The following TET1 variants were observed in gnomAD, a reference collection of about 807,000 sequenced individuals.
TET1 encodes methylcytosine dioxygenase TET1.
Under a neutral mutation model 148.7 loss-of-function variants are expected in TET1, and 13 were observed. The observed-to-expected ratio is 0.09, with a 90% CI of 0.06 to 0.14. TET1 has a LOEUF of 0.14. Among genes scored for constraint, TET1 ranks in the 10% least tolerant of loss-of-function variants. TET1 has a pLI of 1.00. For missense variants in TET1, 2,182 were observed against 2,553.8 expected (o/e 0.85, Z 3.14); for synonymous variants, 907 against 937.2 (o/e 0.97, Z 0.59).
intron 2 of TET1, among the ~76,000 whole-genome samples, chr10:68,600,174 A>G (rs1438130308): frequency 6.6e-6 from 1 of 152,122 alleles, no homozygotes; most frequent in Non-Finnish European, 1.5e-5. Context: ...GTAAAAATGC[A>G]CAATACCTTC....
chr10:68,673,960 C>CTTTTTTTTT (rs869073350), intron 8 of TET1, among the ~76,000 whole-genome samples: 3 of 72,392 alleles, frequency 4.1e-5, no homozygotes, highest in Admixed American at 1.5e-4. Context: ...TTTTCTTTTT[C>CTTTTTTTTT]TTTTTTTTTT....
chr10:68,573,985 T>C lies in TET1; in HGVS notation c.1647T>C (p.Ser549=). Residue 549 remains serine (S), a synonymous_variant, in exon 2 of 12, where the codon AGT becomes AGC. Transcript: ENST00000373644. Reference sequence around the variant, plus strand: ...CAGACAGAGGGAGCTCCCAGGTCAGTGTAACCAGCACAGTTCATGTTGTCA... The same window carrying C: ...CAGACAGAGGGAGCTCCCAGGTCAGCGTAACCAGCACAGTTCATGTTGTCA... ...SKSDRGSSQV[S]VTSTVHVVNT... is the part of the protein sequence containing the mutation. The C allele has an allele frequency of 6.2e-7, 1 of 1,614,178 alleles. No individual in the cohort carries two copies. Among genetic ancestry groups the C allele is most frequent in the African/African-American group, 1.3e-5 (1 of 75,036 alleles).
rs371499355 is a variant in TET1, at chr10:68,686,525, G to T, written c.5222G>T (p.Arg1741Leu). The T allele has an allele frequency of 4.8e-5, 77 of 1,613,926 alleles. No homozygotes were observed. Among genetic ancestry groups the T allele is most frequent in the Non-Finnish European group, 6.2e-5 (73 of 1,180,012 alleles). ...GCCATCGAGGTCCTGGCACCCCGCC[G>T]CAAAAAAAGAACGTGTTTCACTCAG... is the stretch of plus-strand genomic sequence containing the variant. Reference protein sequence around the residue: ...SGAIEVLAPRRKKRTCFTQPV... With the variant: ...SGAIEVLAPRLKKRTCFTQPV... The change falls in exon 11 of 12, where the codon CGC (arginine) becomes CTC (leucine). Residue 1741 changes from arginine (R) to leucine (L), a missense_variant. Coordinates refer to ENST00000373644, the MANE Select transcript of TET1 (RefSeq NM_030625.3).
At position 68,646,570 on chromosome 10, in the gene TET1, G is replaced by A. The variant is rs766370975; in HGVS notation, c.3841G>A (p.Ala1281Thr). ...ESNGKAFTDKAYNSQVQLTVN... is the reference protein window; with the variant it reads ...ESNGKAFTDKTYNSQVQLTVN... Reference sequence around the variant, plus strand: ...CAACGGGAAGGCATTCACTGATAAAGCTTATAATTCTCAGGTACAGTTAAC... The same window carrying A: ...CAACGGGAAGGCATTCACTGATAAAACTTATAATTCTCAGGTACAGTTAAC... Residue 1281 changes from alanine (A) to threonine (T), a missense_variant, in exon 4 of 12, where the codon GCT (alanine) becomes ACT (threonine). Ala to Thr is a moderately conservative substitution (Grantham distance 58, BLOSUM62 0). Around this residue, in one of 11 missense-constraint regions of TET1, gnomAD observed 582 missense variants for 599.5 expected, o/e 0.97. Transcript: ENST00000373644. 9.3e-6 allele frequency: 15 copies of A among 1,614,028 alleles called. No individual in the cohort carries two copies. The highest frequency in any genetic ancestry group is 2.2e-5 in the South Asian group (2 of 91,084).
At chr10:68,564,342 A>G (rs562448285) in intron 1 of TET1, among the ~76,000 whole-genome samples, 1 of 150,016 alleles carries the variant, frequency 6.7e-6, no homozygotes, top group African/African-American at 2.4e-5. Context: ...AGAGATGGGG[A>G]TTCACCATGT....
intron 1 of TET1, among the ~76,000 whole-genome samples, chr10:68,568,177 C>G (rs1456060188): frequency 6.6e-6 from 1 of 151,580 alleles, no homozygotes; most frequent in African/African-American, 2.4e-5. Flanking sequence ...TGCACTGCGC[C>G]CAGCCTTTGG....
At chr10:68,625,671 T>G (rs2054467024) in intron 3 of TET1, among the ~76,000 whole-genome samples, 1 of 152,202 alleles carries the variant, frequency 6.6e-6, no homozygotes, top group Non-Finnish European at 1.5e-5. Context: ...CTTAATTGTA[T>G]GATTTTAAGA....
intron 7 of TET1, 32 bp from the exon 8 acceptor site, chr10:68,672,863 T>G: frequency 1.3e-6 from 2 of 1,577,460 alleles, no homozygotes; most frequent in Non-Finnish European, 1.7e-6. Flanking sequence ...TAATGCTTCA[T>G]CAATTCACTC....
At chr10:68,639,609 T>C (rs1181654695) in intron 3 of TET1, among the ~76,000 whole-genome samples, 5 of 151,960 alleles carry the variant, frequency 3.3e-5, no homozygotes, top group Non-Finnish European at 5.9e-5. Flanking sequence ...GATGGGACTA[T>C]AGGCGTGCAC....
At chr10:68,689,605 G>A (rs1389517736) in intron 11 of TET1, among the ~76,000 whole-genome samples, 3 of 152,066 alleles carry the variant, frequency 2.0e-5, no homozygotes, top group Admixed American at 6.6e-5. Context: ...GTGAAACCCC[G>A]TCTCTACTAA....
In TET1 at chr10:68,693,794, G is replaced by A. The variant is rs535879611; in HGVS notation, c.*1980G>A. ...TAGACTATCAGGAATACACCCTTGC[G>A]AGATTATGTTTTAGATTTTAGGCCT... On this transcript the variant is annotated 3_prime_UTR_variant, in exon 12 of 12. Transcript: ENST00000373644. 43 of 231,404 alleles carry A rather than the reference G, an allele frequency of 1.9e-4. 1 individual carries two copies. Among genetic ancestry groups the A allele is most frequent in the African/African-American group, 6.8e-4 (31 of 45,364 alleles). The allele number at this position is 231,404 out of a possible 1,614,324, so 14.3% of individuals were successfully genotyped here.
chr10:68,651,235 G>T (rs921068434), intron 4 of TET1, among the ~76,000 whole-genome samples: 2 of 152,096 alleles, frequency 1.3e-5, no homozygotes, highest in Non-Finnish European at 2.9e-5. Flanking sequence ...GAGGCACAAG[G>T]TCAGGAGATT....
At chr10:68,566,751 G>A (rs1336570366) in intron 1 of TET1, among the ~76,000 whole-genome samples, 1 of 151,796 alleles carries the variant, frequency 6.6e-6, no homozygotes, top group East Asian at 1.9e-4. Context: ...ATCTTGTTCT[G>A]GAGAATATAG....
chr10:68,586,054 G>A (rs1265736249), intron 2 of TET1, among the ~76,000 whole-genome samples: 1 of 151,842 alleles, frequency 6.6e-6, no homozygotes, highest in Non-Finnish European at 1.5e-5. Context: ...CTGTCCCCAG[G>A]CTAAGCTGCA....
chr10:68,666,756 G>A (rs1356836382), intron 6 of TET1, among the ~76,000 whole-genome samples: 1 of 152,230 alleles, frequency 6.6e-6, no homozygotes, highest in East Asian at 1.9e-4. Context: ...AAGTCCTACA[G>A]GGTTTTATCC....
At chr10:68,672,315 C>T (rs1419302359) in intron 7 of TET1, among the ~76,000 whole-genome samples, 3 of 151,146 alleles carry the variant, frequency 2.0e-5, no homozygotes, top group East Asian at 3.9e-4. Context: ...CTGATGAAAC[C>T]CGTCTCTACT....
intron 2 of TET1, among the ~76,000 whole-genome samples, chr10:68,587,353 AG>A (rs1049009009): frequency 2.0e-5 from 3 of 152,210 alleles, no homozygotes; most frequent in African/African-American, 7.2e-5. Flanking sequence ...GAGTGGATAT[AG>A]GTTAGATTTA....
rs529879189 is a variant in TET1, at chr10:68,593,585, G to A, written c.1915-7396G>A. Among the ~76,000 whole-genome samples the A allele has an allele frequency of 2.2e-4, 34 of 152,044 alleles. 1 individual carries two copies. In the South Asian group the frequency reaches 6.7e-3, roughly 30 times the overall value. ...CCTGAGTAGCTGGGACTACAGGCAT[G>A]CGCCACCATACCTGGCTAATTTTTG... On this transcript the variant is annotated intron_variant, in intron 2 of 11. Transcript: ENST00000373644.
intron 2 of TET1, among the ~76,000 whole-genome samples, chr10:68,597,766 AAATG>A (rs2054005184): frequency 6.6e-6 from 1 of 152,266 alleles, no homozygotes; most frequent in South Asian, 2.1e-4. Flanking sequence ...TCAGCCTTCA[AAATG>A]AATGAAATTC....
Sources: gnomAD v4.1 joint callset for allele counts (sites outside exome capture counted in the v4.1 genomes callset) on GRCh38, gnomAD v4.1.1 for gene constraint, gnomAD v4.1.1 regional missense constraint, MANE v1.5 for transcripts, NCBI Gene and HGNC (gene_info 2026-07-23, HGNC 2026-07-21) for gene names.